OPRM1: variants seen among roughly 807,000 people sequenced by gnomAD.
OPRM1 encodes the protein opioid receptor mu 1, also known as mu-type opioid receptor.
Under a neutral mutation model 31.8 loss-of-function variants are expected in OPRM1, and 27 were observed. The observed-to-expected ratio is 0.85, with a 90% CI of 0.63 to 1.17. OPRM1 has a LOEUF of 1.17. Among genes scored for constraint, OPRM1 ranks in the 50% most tolerant of loss-of-function variants. The pLI is 0.00. For synonymous variants in OPRM1, 196 were observed against 189.9 expected (o/e 1.03, Z -0.26); for missense variants, 536 against 511.1 (o/e 1.05, Z -0.47).
At chr6:154,108,397 G>C (rs1194753378) in intron 3 of OPRM1, 1 of 165,864 alleles carries the variant, frequency 6.0e-6, no homozygotes, top group African/African-American at 2.4e-5. Flanking sequence ...GCCAGTGGAA[G>C]GGTGGGGAAG....
At chr6:154,083,147 C>G (rs935173660) in intron 1 of OPRM1, among the ~76,000 whole-genome samples, 1 of 152,196 alleles carries the variant, frequency 6.6e-6, no homozygotes, top group African/African-American at 2.4e-5. Flanking sequence ...GGAAGTATCT[C>G]TCGTTCCATT....
In OPRM1 at chr6:154,125,205, T is replaced by C. The variant is rs1055890236; in HGVS notation, c.*6484T>C. On this transcript the variant is annotated 3_prime_UTR_variant, in exon 4 of 4. Coordinates refer to ENST00000330432, the MANE Select transcript of OPRM1 (RefSeq NM_000914.5). ...TCAGATGATATATCTTCATTTTCGA[T>C]TTTGAAAGAACAGTAATACTAATTA... 1.3e-5 allele frequency among the ~76,000 whole-genome samples: 2 copies of C among 152,208 alleles called. No homozygotes were observed. The highest frequency in any genetic ancestry group is 6.5e-5 in the Admixed American group (1 of 15,282).
intron 3 of OPRM1, among the ~76,000 whole-genome samples, chr6:154,239,054 A>G (rs1245252338): frequency 1.3e-5 from 2 of 152,142 alleles, no homozygotes; most frequent in African/African-American, 4.8e-5. Flanking sequence ...ACTGTCCTCT[A>G]AAATACCTCA....
intron 3 of OPRM1, chr6:154,246,621 C>A: frequency 6.2e-7 from 1 of 1,613,952 alleles, no homozygotes. Flanking sequence ...ACAGTGACGA[C>A]CCCTTCAGTA....
At chr6:154,205,016 G>A (rs1023093112) in intron 3 of OPRM1, among the ~76,000 whole-genome samples, 7 of 152,024 alleles carry the variant, frequency 4.6e-5, no homozygotes, top group South Asian at 2.1e-4. Flanking sequence ...TTGGGTGGAC[G>A]GCCTCCTTCC....
intron 1 of OPRM1, among the ~76,000 whole-genome samples, chr6:154,046,177 C>G (rs571557610): frequency 6.6e-6 from 1 of 152,102 alleles, no homozygotes; most frequent in Non-Finnish European, 1.5e-5. Context: ...ATCAAAAACT[C>G]GTAAGAAAAA....
intron 3 of OPRM1, among the ~76,000 whole-genome samples, chr6:154,181,415 A>T (rs1389261541): frequency 6.6e-6 from 1 of 152,166 alleles, no homozygotes; most frequent in Non-Finnish European, 1.5e-5. Context: ...TCTTTCACCA[A>T]ATTCACAAAG....
chr6:154,105,073 G>A (rs1795387570), intron 3 of OPRM1, among the ~76,000 whole-genome samples: 1 of 152,148 alleles, frequency 6.6e-6, no homozygotes, highest in African/African-American at 2.4e-5. Context: ...CACCATTCCA[G>A]TCAAAGCCTT....
In OPRM1 at chr6:154,124,564, G is replaced by C. The variant is rs1299324572; in HGVS notation, c.*5843G>C. 6.6e-6 allele frequency among the ~76,000 whole-genome samples: 1 copy of C among 152,148 alleles called. No homozygotes were observed. The highest frequency in any genetic ancestry group is 1.5e-5 in the Non-Finnish European group (1 of 68,024). On this transcript the variant is annotated 3_prime_UTR_variant, in exon 4 of 4. Transcript: ENST00000330432. ...GTCCTCTGACCTCCTGTGACACATG[G>C]GGTGAGCCCTTCCTTTTTGTCTCAA...
chr6:154,173,943 A>G (rs969319394), intron 3 of OPRM1, among the ~76,000 whole-genome samples: 1 of 152,220 alleles, frequency 6.6e-6, no homozygotes, highest in Admixed American at 6.5e-5. Context: ...TTACCTACAA[A>G]GGGAAGCCCA....
chr6:154,153,544 G>T (rs1031046826), intron 3 of OPRM1, among the ~76,000 whole-genome samples: 2 of 152,178 alleles, frequency 1.3e-5, no homozygotes, highest in African/African-American at 2.4e-5. Flanking sequence ...AATTAGCCAG[G>T]AGTGATGACG....
intron 3 of OPRM1, among the ~76,000 whole-genome samples, chr6:154,221,072 C>G (rs1778828157): frequency 6.6e-6 from 1 of 152,206 alleles, no homozygotes; most frequent in Non-Finnish European, 1.5e-5. Flanking sequence ...ACATGTAATT[C>G]TCCAAACCGT....
At chr6:154,118,382 G>T (rs512053) in intron 3 of OPRM1, among the ~76,000 whole-genome samples, 11,099 of 152,208 alleles carry the variant, frequency 0.073, 676 homozygotes, top group Admixed American at 0.2. Flanking sequence ...GGGGGAGAAA[G>T]AGTTTCAATT....
chr6:154,066,970 T>C (rs1405989885), intron 1 of OPRM1, among the ~76,000 whole-genome samples: 1 of 152,290 alleles, frequency 6.6e-6, no homozygotes, highest in South Asian at 2.1e-4. Flanking sequence ...AATTTGTCCA[T>C]AGAACTCTCT....
chr6:154,098,093 A>G (rs1025796057), intron 3 of OPRM1, among the ~76,000 whole-genome samples: 1 of 148,510 alleles, frequency 6.7e-6, no homozygotes, highest in Non-Finnish European at 1.5e-5. Context: ...TAAAAATTAG[A>G]AAAAAAATTT....
At chr6:154,230,054 G>A (rs562316387) in intron 3 of OPRM1, among the ~76,000 whole-genome samples, 3 of 152,222 alleles carry the variant, frequency 2.0e-5, no homozygotes, top group African/African-American at 7.2e-5. Flanking sequence ...GGTTGCCTGC[G>A]GTTGGGGGTG....
chr6:154,136,164 A>G (rs932960719), downstream of OPRM1, among the ~76,000 whole-genome samples: 1 of 152,148 alleles, frequency 6.6e-6, no homozygotes, highest in African/African-American at 2.4e-5. Flanking sequence ...CCTGGCCATC[A>G]TAAAGGCAAA....
intron 3 of OPRM1, among the ~76,000 whole-genome samples, chr6:154,100,192 T>G (rs1337355492): frequency 7.8e-6 from 1 of 128,966 alleles, no homozygotes; most frequent in Non-Finnish European, 1.6e-5. Flanking sequence ...TTATGACATA[T>G]CATAATATAT....
intron 3 of OPRM1, among the ~76,000 whole-genome samples, chr6:154,166,131 ATTGT>A (rs1312682319): frequency 6.6e-6 from 1 of 152,242 alleles, no homozygotes; most frequent in African/African-American, 2.4e-5. Context: ...ATAAATGCTG[ATTGT>A]TTGGAGTTGC....
Sources: gnomAD v4.1 joint callset for allele counts (sites outside exome capture counted in the v4.1 genomes callset) on GRCh38, gnomAD v4.1.1 for gene constraint, MANE v1.5 for transcripts, NCBI Gene and HGNC (gene_info 2026-07-23, HGNC 2026-07-21) for gene names.